Variants in CHST10 observed in about 807,000 individuals in gnomAD.
The protein encoded by CHST10 is HNK-1 sulfotransferase.
CHST10 carries 24 observed loss-of-function variants against 34.7 expected under a neutral mutation model. The ratio of observed to expected loss-of-function variants is 0.69; its 90% CI spans 0.50 to 0.97. The LOEUF (loss-of-function observed/expected upper bound fraction) is 0.97. Among genes scored for constraint, CHST10 ranks in the 50% least tolerant of loss-of-function variants. The pLI is 0.00. For synonymous variants in CHST10, 161 were observed against 169.3 expected, an observed-to-expected ratio of 0.95 and a Z score of 0.38; for missense variants, 402 against 452.1, an observed-to-expected ratio of 0.89 and a Z score of 1.00.
intron 3 of CHST10, among the ~76,000 whole-genome samples, chr2:100,405,126 T>C (rs549463582): frequency 3.3e-5 from 5 of 152,194 alleles, no homozygotes; most frequent in South Asian, 2.1e-4. Context: ...GAAGCTGCCA[T>C]GGAAATGTCC....
At chr2:100,416,043 T>C (rs925337906) in intron 1 of CHST10, among the ~76,000 whole-genome samples, 1 of 152,250 alleles carries the variant, frequency 6.6e-6, no homozygotes, top group South Asian at 2.1e-4. Context: ...TATAGTCTTA[T>C]GGGACCACTG....
At chr2:100,398,243 T>C (rs1675168111) in intron 4 of CHST10, 101 bp from the exon 5 acceptor site, 2 of 795,790 alleles carry the variant, frequency 2.5e-6, no homozygotes, top group African/African-American at 1.7e-5. Flanking sequence ...CCTTTCCATC[T>C]GGAGCCTTCT....
chr2:100,406,848 G>T, intron 2 of CHST10, 141 bp from the exon 3 acceptor site: 1 of 945,514 alleles, frequency 1.1e-6, no homozygotes, highest in Non-Finnish European at 1.5e-6. Context: ...TAGGTAGTTT[G>T]ACTTGGCATT....
At chr2:100,400,105 A>G (rs1675268616) in intron 4 of CHST10, among the ~76,000 whole-genome samples, 1 of 152,238 alleles carries the variant, frequency 6.6e-6, no homozygotes, top group Non-Finnish European at 1.5e-5. Flanking sequence ...ACTCAAGAAC[A>G]GCGCATCAGG....
rs2104298013 is a variant in CHST10, at chr2:100,393,536, G to T, written c.780C>A (p.Ile260=). Residue 260 remains isoleucine (I), a synonymous_variant, in exon 7 of 7, where the codon ATC becomes ATA. Coordinates refer to ENST00000264249, the MANE Select transcript of CHST10 (RefSeq NM_004854.5). ...GCTCTACATACGTCACCCAGTGAAT[G>T]ATGTGGTCCCCAAACTGAAGGTCTA... ...RWLDLQFGDH[I]IHWVTYVELC... The T allele has an allele frequency of 1.2e-6, 2 of 1,614,124 alleles. No individual in the cohort carries two copies. The highest frequency in any genetic ancestry group is 1.7e-6 in the Non-Finnish European group (2 of 1,180,034).
chr2:100,402,778 T>C (rs997266305), intron 3 of CHST10, 123 bp from the exon 4 acceptor site: 2 of 771,762 alleles, frequency 2.6e-6, no homozygotes, highest in Non-Finnish European at 4.2e-6. Flanking sequence ...GACAAAGCCA[T>C]AAAAGCCATT....
intron 4 of CHST10, among the ~76,000 whole-genome samples, chr2:100,401,776 C>T (rs1675352435): frequency 6.6e-6 from 1 of 152,116 alleles, no homozygotes; most frequent in Non-Finnish European, 1.5e-5. Context: ...TGTATGTTTT[C>T]TATGTTTATT....
intron 6 of CHST10, among the ~76,000 whole-genome samples, chr2:100,394,215 A>G (rs1558632496): frequency 6.6e-6 from 1 of 151,738 alleles, no homozygotes; most frequent in Non-Finnish European, 1.5e-5. Context: ...TTAAAAGTTC[A>G]ATTCAAATTG....
intron 2 of CHST10, among the ~76,000 whole-genome samples, chr2:100,410,978 G>T (rs1675808389): frequency 6.6e-6 from 1 of 151,962 alleles, no homozygotes; most frequent in Non-Finnish European, 1.5e-5. Flanking sequence ...ATGTATGTGT[G>T]AAATATATAT....
rs765577140 is a variant in CHST10 at position 100,393,214 on chromosome 2, T to C, written c.*31A>G. On this transcript the variant is annotated 3_prime_UTR_variant, in exon 7 of 7. Coordinates refer to ENST00000264249, the MANE Select transcript of CHST10 (RefSeq NM_004854.5). Reference sequence around the variant, plus strand: ...TTCACCTGGTTAGCCCCAGGTCTAATAAAGATATTTGAATTCATAGGTCTT... The same window carrying C: ...TTCACCTGGTTAGCCCCAGGTCTAACAAAGATATTTGAATTCATAGGTCTT... The C allele has an allele frequency of 9.3e-6, 15 of 1,607,166 alleles. No individual in the cohort carries two copies. The highest frequency in any genetic ancestry group is 1.3e-5 in the Non-Finnish European group (15 of 1,175,712).
At chr2:100,396,054 A>G in intron 5 of CHST10, among the ~76,000 whole-genome samples, 1 of 152,242 alleles carries the variant, frequency 6.6e-6, no homozygotes, top group East Asian at 1.9e-4. Flanking sequence ...AGATGCCCGC[A>G]GCAGCTTCAC....
chr2:100,415,905 A>T (rs1341825231), intron 1 of CHST10: 2 of 152,392 alleles, frequency 1.3e-5, no homozygotes, highest in South Asian at 2.1e-4. Flanking sequence ...GGCTATATGG[A>T]ATCATCTATT....
chr2:100,411,797 T>C (rs1675854950), intron 2 of CHST10, among the ~76,000 whole-genome samples: 1 of 152,130 alleles, frequency 6.6e-6, no homozygotes, highest in African/African-American at 2.4e-5. Context: ...TGGTACTTGA[T>C]GGTGTGAGAG....
chr2:100,413,307 G>GGC (rs1675926181), intron 2 of CHST10, among the ~76,000 whole-genome samples: 1 of 152,208 alleles, frequency 6.6e-6, no homozygotes, highest in African/African-American at 2.4e-5. Flanking sequence ...CTTCGGTCAT[G>GGC]GCGCAGGCCC....
chr2:100,405,874 T>C (rs1286189426), intron 3 of CHST10, among the ~76,000 whole-genome samples: 2 of 152,136 alleles, frequency 1.3e-5, no homozygotes, highest in Non-Finnish European at 1.5e-5. Flanking sequence ...TCTTTGGACA[T>C]ATCCAGCACT....
In CHST10 at chr2:100,417,373, C is replaced by T. The variant is rs541250578; in HGVS notation, c.-104+1G>A. On this transcript the variant is annotated splice_donor_variant, in intron 1 of 6. Transcript: ENST00000264249. LOFTEE classifies it low-confidence loss of function (5UTR_SPLICE). ...ACCCGCCTGCGCGTCCCCGAGCTCA[C>T]CCTACTGGAGCGGCGCTCGTCCGGG... The T allele has an allele frequency of 6.0e-6, 2 of 334,982 alleles. No homozygotes were observed. Among genetic ancestry groups the T allele is most frequent in the South Asian group, 2.4e-5 (1 of 41,896 alleles). The allele number at this position is 334,982 out of a possible 1,614,324, so 20.8% of individuals were successfully genotyped here.
chr2:100,413,214 C>T (rs992869406), intron 2 of CHST10, among the ~76,000 whole-genome samples: 1 of 152,194 alleles, frequency 6.6e-6, no homozygotes, highest in Non-Finnish European at 1.5e-5. Context: ...ATTAACTCCC[C>T]TTTGTTCAAG....
intron 6 of CHST10, among the ~76,000 whole-genome samples, chr2:100,394,931 C>A (rs1406115239): frequency 1.3e-5 from 2 of 151,778 alleles, no homozygotes; most frequent in Non-Finnish European, 2.9e-5. Context: ...GTCAGTCACA[C>A]TTGTCTTGAA....
At chr2:100,416,715 A>AACAACAACAAC (rs1676082467) in intron 1 of CHST10, 1 of 326,228 alleles carries the variant, frequency 3.1e-6, no homozygotes, top group African/African-American at 2.5e-5. Context: ...ACAACAACAA[A>AACAACAACAAC]AACCCACCGT....
Sources: allele counts gnomAD v4.1 joint callset (sites outside exome capture counted in the v4.1 genomes callset), GRCh38; gene constraint gnomAD v4.1.1; transcripts MANE v1.5; gene names NCBI Gene and HGNC (gene_info 2026-07-23, HGNC 2026-07-21).